The following CWC27 variants were observed in gnomAD, a reference collection of about 807,000 sequenced individuals.
The protein encoded by CWC27 is spliceosome-associated protein CWC27 homolog.
In CWC27, 47 loss-of-function variants were observed where a neutral mutation model predicts 63.6. The observed-to-expected ratio is 0.74, with a 90% confidence interval of 0.58 to 0.94. The LOEUF is 0.94. CWC27 is among the 40% of genes least tolerant of loss of function. The pLI is 0.00. For missense variants in CWC27, 495 were observed against 554.3 expected (o/e 0.89, Z 1.07); for synonymous variants, 175 against 179.8 (o/e 0.97, Z 0.22).
chr5:64,792,878 T>C (rs1347611705), intron 7 of CWC27, among the ~76,000 whole-genome samples: 1 of 152,160 alleles, frequency 6.6e-6, no homozygotes, highest in South Asian at 2.1e-4. Context: ...TTTTCCTTTC[T>C]GAACAAGAAA....
intron 8 of CWC27, among the ~76,000 whole-genome samples, chr5:64,800,571 C>T (rs1156727821): frequency 2.0e-5 from 3 of 152,126 alleles, no homozygotes; most frequent in Admixed American, 6.6e-5. Context: ...ATTGTTTTAC[C>T]ATTACATGTT....
chr5:64,908,831 T>G (rs952663128), intron 11 of CWC27, among the ~76,000 whole-genome samples: 15 of 152,244 alleles, frequency 9.9e-5, no homozygotes, highest in African/African-American at 3.1e-4. Context: ...TCTTGACTCT[T>G]TATCCAATTT....
chr5:64,839,718 A>G (rs1278452973), intron 10 of CWC27, among the ~76,000 whole-genome samples: 2 of 152,200 alleles, frequency 1.3e-5, no homozygotes, highest in Admixed American at 6.5e-5. Flanking sequence ...TTTGAGTACT[A>G]TCTTAATGAG....
At chr5:64,945,761 TATG>T (rs1229683933) in intron 11 of CWC27, among the ~76,000 whole-genome samples, 1 of 152,172 alleles carries the variant, frequency 6.6e-6, no homozygotes, top group Non-Finnish European at 1.5e-5. Context: ...CAATATGAAG[TATG>T]ATATTTTGTA....
intron 10 of CWC27, among the ~76,000 whole-genome samples, chr5:64,869,566 C>T (rs1045733171): frequency 2.0e-5 from 3 of 152,032 alleles, no homozygotes; most frequent in African/African-American, 7.2e-5. Flanking sequence ...TTTTCTACAG[C>T]AGTGACCTAG....
intron 11 of CWC27, 138 bp downstream of exon 11, chr5:64,885,684 C>A: frequency 2.0e-6 from 1 of 488,530 alleles, no homozygotes; most frequent in East Asian, 4.5e-5. Context: ...TTCTTTCCCT[C>A]CCTCTTGAGT....
At chr5:64,903,281 C>T (rs2112366707) in intron 11 of CWC27, among the ~76,000 whole-genome samples, 1 of 152,248 alleles carries the variant, frequency 6.6e-6, no homozygotes, top group South Asian at 2.1e-4. Context: ...AACCCAAATG[C>T]CCATCAGTGA....
chr5:64,850,225 C>CAAAAA (rs61174118), intron 10 of CWC27, among the ~76,000 whole-genome samples: 1 of 129,650 alleles, frequency 7.7e-6, no homozygotes, highest in African/African-American at 3.0e-5. Flanking sequence ...TGGTACTGGC[C>CAAAAA]AAAAAAAAAG....
At chr5:64,985,201 G>A (rs1419909158) in intron 13 of CWC27, among the ~76,000 whole-genome samples, 4 of 152,062 alleles carry the variant, frequency 2.6e-5, no homozygotes, top group Non-Finnish European at 5.9e-5. Context: ...ATTTTGAAAT[G>A]ATTCTTCCAA....
chr5:64,938,851 A>G (rs769090390), intron 11 of CWC27, among the ~76,000 whole-genome samples: 1 of 151,986 alleles, frequency 6.6e-6, no homozygotes, highest in Non-Finnish European at 1.5e-5. Context: ...TTATTTCATT[A>G]AGTTGATTTT....
intron 11 of CWC27, among the ~76,000 whole-genome samples, chr5:64,902,588 A>G (rs973395710): frequency 8.5e-5 from 13 of 152,070 alleles, no homozygotes; most frequent in African/African-American, 3.1e-4. Flanking sequence ...CCATTCATCT[A>G]TTTATCTATG....
At chr5:64,939,897 GT>G (rs1748436616) in intron 11 of CWC27, among the ~76,000 whole-genome samples, 1 of 152,124 alleles carries the variant, frequency 6.6e-6, no homozygotes, top group South Asian at 2.1e-4. Flanking sequence ...CTAACTTCTG[GT>G]CGGCTTTGTT....
intron 10 of CWC27, among the ~76,000 whole-genome samples, chr5:64,865,033 A>G (rs915516575): frequency 6.6e-6 from 1 of 152,092 alleles, no homozygotes; most frequent in Non-Finnish European, 1.5e-5. Context: ...AAAATGTTTA[A>G]GATTATTTTT....
At chr5:64,846,289 A>C (rs1745976648) in intron 10 of CWC27, among the ~76,000 whole-genome samples, 2 of 152,254 alleles carry the variant, frequency 1.3e-5, no homozygotes, top group Non-Finnish European at 2.9e-5. Context: ...TTTCATCCCT[A>C]GTACATGAGT....
chr5:64,877,415 G>T (rs1315414531), intron 10 of CWC27, among the ~76,000 whole-genome samples: 4 of 151,998 alleles, frequency 2.6e-5, no homozygotes, highest in Non-Finnish European at 2.9e-5. Context: ...ATCTGGGTTT[G>T]TGTGTTGGGG....
At chr5:64,818,817 G>T (rs1036366470) in intron 10 of CWC27, among the ~76,000 whole-genome samples, 4 of 152,128 alleles carry the variant, frequency 2.6e-5, no homozygotes, top group Non-Finnish European at 5.9e-5. Flanking sequence ...TTATTGTTTG[G>T]CTTTATACTC....
At chr5:64,916,340 G>GA (rs1747887266) in intron 11 of CWC27, among the ~76,000 whole-genome samples, 1 of 152,126 alleles carries the variant, frequency 6.6e-6, no homozygotes, top group Admixed American at 6.5e-5. Flanking sequence ...TTTAAAGTCA[G>GA]AAAAACCTAG....
At chr5:64,924,823 A>C (rs1202818685) in intron 11 of CWC27, among the ~76,000 whole-genome samples, 1 of 152,204 alleles carries the variant, frequency 6.6e-6, no homozygotes, top group African/African-American at 2.4e-5. Flanking sequence ...CAAGCTGTTA[A>C]TGATTGGCAT....
chr5:64,977,413 C>T (rs1384119565), intron 13 of CWC27, among the ~76,000 whole-genome samples, 175 bp downstream of exon 13: 2 of 152,290 alleles, frequency 1.3e-5, no homozygotes, highest in South Asian at 2.1e-4. Flanking sequence ...TAAATAAACA[C>T]ACCAAGCACT....
Sources: allele counts gnomAD v4.1 joint callset (sites outside exome capture counted in the v4.1 genomes callset), GRCh38; gene constraint gnomAD v4.1.1; transcripts MANE v1.5; gene names NCBI Gene and HGNC (gene_info 2026-07-23, HGNC 2026-07-21).